The following PROKR2 variants were observed in gnomAD, a reference collection of about 807,000 sequenced individuals.
PROKR2 encodes G protein-coupled receptor 73-like 1.
A neutral mutation model predicts 23.4 loss-of-function variants in PROKR2; 26 were observed. The observed-to-expected ratio is 1.11, with a 90% CI of 0.81 to 1.54. The LOEUF (loss-of-function observed/expected upper bound fraction) is 1.54, where lower values mean the gene tolerates loss of function less well. PROKR2 is among the 40% of genes most tolerant of loss of function. The pLI is 0.00. For missense variants in PROKR2, 453 were observed against 511.5 expected (o/e 0.89, Z 1.10); for synonymous variants, 212 against 201.2 (o/e 1.05, Z -0.45).
At chr20:5,307,647 C>T (rs1969702) in intron 2 of PROKR2, among the ~76,000 whole-genome samples, 77,649 of 152,054 alleles carry the variant, frequency 0.51, 20,138 homozygotes, top group African/African-American at 0.61. Flanking sequence ...TCTCAGTCTG[C>T]GTGCCATGGC....
intron 2 of PROKR2, among the ~76,000 whole-genome samples, chr20:5,306,572 A>C (rs1408040604): frequency 6.6e-6 from 1 of 152,242 alleles, no homozygotes; most frequent in Non-Finnish European, 1.5e-5. Context: ...TTCTGGCTCG[A>C]AAAGTAAAGT....
rs1979698782 is a variant in PROKR2 at position 5,316,800 on chromosome 20, A to C, written c.-315T>G. 6.6e-6 allele frequency among the ~76,000 whole-genome samples: 1 copy of C among 152,048 alleles called. No homozygotes were observed. Among genetic ancestry groups the C allele is most frequent in the Non-Finnish European group, 1.5e-5 (1 of 67,994 alleles). ...GGGGTCCCCGCCTGCCTCCTAGTCC[A>C]GGCCAAGGGTGGATGCCCAGCTCCC... On this transcript the variant is annotated 5_prime_UTR_variant, in exon 1 of 3. Transcript: ENST00000678254. The surrounding 1 kb of genome is among the most constrained non-coding windows in gnomAD (Gnocchi z 5.0).
Position 5,301,940 on chromosome 20 carries a change from G to T in PROKR2, c.*100C>A. ...CTTCTTGAGGGCACGGGGGAGGCAT[G>T]AACACAGATGTCATTTCCCATGCAG... On this transcript the variant is annotated 3_prime_UTR_variant, in exon 3 of 3. Transcript: ENST00000678254. 9.0e-7 allele frequency: 1 copy of T among 1,113,112 alleles called. No homozygotes were observed. The highest frequency in any genetic ancestry group is 1.3e-6 in the Non-Finnish European group (1 of 766,264). The allele number at this position is 1,113,112 out of a possible 1,614,324, so 69.0% of individuals were successfully genotyped here.
At chr20:5,314,608 C>T (rs1979586681) in intron 1 of PROKR2, among the ~76,000 whole-genome samples, 1 of 152,192 alleles carries the variant, frequency 6.6e-6, no homozygotes, top group Non-Finnish European at 1.5e-5. Context: ...CCAGATGGAA[C>T]TACCCGGGAT....
chr20:5,300,188 A>G lies in PROKR2; in HGVS notation c.*1852T>C, dbSNP rs1978933289. Among the ~76,000 whole-genome samples the G allele has an allele frequency of 1.4e-5, 1 of 69,822 alleles. No individual in the cohort carries two copies. The highest frequency in any genetic ancestry group is 4.7e-5 in the African/African-American group (1 of 21,400). 45.8% of individuals were successfully genotyped at this position (69,822 alleles called of 152,430 possible). Reference sequence around the variant, plus strand: ...GAAGACGTGTACCTACAGTTACCACAAATGTATAATACAAACAGATTCAGA... The same window carrying G: ...GAAGACGTGTACCTACAGTTACCACGAATGTATAATACAAACAGATTCAGA... On this transcript the variant is annotated 3_prime_UTR_variant, in exon 3 of 3. Transcript: ENST00000678254.
At chr20:5,312,000 C>T (rs992323554) in intron 2 of PROKR2, among the ~76,000 whole-genome samples, 3 of 152,186 alleles carry the variant, frequency 2.0e-5, no homozygotes, top group Admixed American at 6.5e-5. Context: ...AATATACTCT[C>T]ACTTTAGTGA....
At chr20:5,305,690 A>AG (rs1979193309) in intron 2 of PROKR2, among the ~76,000 whole-genome samples, 2 of 151,900 alleles carry the variant, frequency 1.3e-5, no homozygotes, top group South Asian at 4.2e-4. Flanking sequence ...TCAGGAAAAA[A>AG]AAATTTAAAG....
rs1397088415 is a variant in PROKR2 at position 5,314,319 on chromosome 20, G to A, written c.51C>T (p.Pro17=). 1.9e-6 allele frequency: 3 copies of A among 1,614,172 alleles called. No individual in the cohort carries two copies. In the Admixed American group the frequency reaches 5.0e-5, roughly 27 times the overall value. The change falls in exon 2 of 3, where the codon CCC becomes CCT. Residue 17 remains proline, a synonymous_variant. Transcript: ENST00000678254. ...AGGAGAGGGAGGAGGCATGGTCTTG[G>A]GGTGGATTAAAGTTGGGTGTGAAAC... The part of the protein sequence containing the change: ...NTSFTPNFNP[P]QDHASSLSFN...
At chr20:5,314,892 G>C (rs1407003617) in intron 1 of PROKR2, among the ~76,000 whole-genome samples, 1 of 152,196 alleles carries the variant, frequency 6.6e-6, no homozygotes, top group Non-Finnish European at 1.5e-5. Flanking sequence ...TGTGGCACCT[G>C]TTGGCCAGGG....
At position 5,316,845 on chromosome 20, in the gene PROKR2, C is replaced by T. The variant is rs921817335; in HGVS notation, c.-360G>A. On this transcript the variant is annotated 5_prime_UTR_variant, in exon 1 of 3. Coordinates refer to ENST00000678254, the MANE Select transcript of PROKR2 (RefSeq NM_144773.4). This position sits in a 1 kb window ranked among gnomAD's most constrained non-coding sequence, Gnocchi z 5.0. The stretch of plus-strand genomic sequence containing the variant: ...GCTCCCCCACCCCACCGCGTGCTCT[C>T]GGGCTGGTGCGTCCAGGGCGCGGGC... Among the ~76,000 whole-genome samples the T allele has an allele frequency of 5.3e-5, 8 of 152,270 alleles. No homozygotes were observed. Among genetic ancestry groups the T allele is most frequent in the African/African-American group, 1.9e-4 (8 of 41,470 alleles).
At chr20:5,302,930 T>G (rs1252459957) in intron 2 of PROKR2, among the ~76,000 whole-genome samples, 194 bp from the exon 3 acceptor site, 1 of 152,212 alleles carries the variant, frequency 6.6e-6, no homozygotes, top group Non-Finnish European at 1.5e-5. Flanking sequence ...CAGCACAGGC[T>G]TTGGGTCAAA....
At chr20:5,308,449 C>A (rs1038620464) in intron 2 of PROKR2, among the ~76,000 whole-genome samples, 45 of 148,976 alleles carry the variant, frequency 3.0e-4, no homozygotes, top group African/African-American at 1.0e-3. Context: ...CCCAACCCAT[C>A]CCTTTATTTC....
At chr20:5,303,046 G>C (rs1236285264) in intron 2 of PROKR2, among the ~76,000 whole-genome samples, 1 of 152,176 alleles carries the variant, frequency 6.6e-6, no homozygotes, top group Non-Finnish European at 1.5e-5. Flanking sequence ...GGAATAAGAT[G>C]ATACTTACTT....
Position 5,313,826 on chromosome 20 carries a change from T to G in PROKR2, c.458+86A>C, listed in dbSNP as rs530086769. Reference sequence around the variant, plus strand: ...CCAAAGATTGGTGAGCATTCCTATCTGGAGCAATGTCAGCCTGTCAGAGCC... The same window carrying G: ...CCAAAGATTGGTGAGCATTCCTATCGGGAGCAATGTCAGCCTGTCAGAGCC... On this transcript the variant is annotated intron_variant, in intron 2 of 2. Transcript: ENST00000678254. 23 of 1,144,662 alleles carry G rather than the reference T, an allele frequency of 2.0e-5. No homozygotes were observed. The African/African-American group carries it at 2.3e-4, about 11-fold the overall frequency. 70.9% of individuals were successfully genotyped at this position (1,144,662 alleles called of 1,614,324 possible).
Position 5,316,768 on chromosome 20 carries a change from C to A in PROKR2, c.-283G>T, listed in dbSNP as rs1056199705. ...TGTGCGCCCCGCCCCGCGCTGGACT[C>A]CGCCCCGGGGTCCCCGCCTGCCTCC... On this transcript the variant is annotated 5_prime_UTR_variant, in exon 1 of 3. Coordinates refer to ENST00000678254, the MANE Select transcript of PROKR2 (RefSeq NM_144773.4). This position sits in a 1 kb window ranked among gnomAD's most constrained non-coding sequence, Gnocchi z 5.0. Among the ~76,000 whole-genome samples, 2 of 152,220 alleles carry A rather than the reference C, an allele frequency of 1.3e-5. No individual in the cohort carries two copies. Among genetic ancestry groups the A allele is most frequent in the East Asian group, 3.9e-4 (2 of 5,182 alleles).
At chr20:5,311,618 G>A (rs759603498) in intron 2 of PROKR2, among the ~76,000 whole-genome samples, 3 of 152,258 alleles carry the variant, frequency 2.0e-5, no homozygotes, top group Admixed American at 6.5e-5. Flanking sequence ...TCCTGGGTGT[G>A]TCTGTGAGGG....
intron 2 of PROKR2, among the ~76,000 whole-genome samples, chr20:5,303,220 G>A (rs2180573): frequency 0.52 from 79,496 of 151,924 alleles, 20,835 homozygotes; most frequent in African/African-American, 0.57. Context: ...AATACTCTCA[G>A]AGCTCTTCAT....
At chr20:5,302,798 T>A in intron 2 of PROKR2, 62 bp from the exon 3 acceptor site, 1 of 1,292,260 alleles carries the variant, frequency 7.7e-7, no homozygotes, top group Non-Finnish European at 1.1e-6. Context: ...AGTTTGTAAC[T>A]AACCCCAAAC....
At chr20:5,311,483 A>G (rs1346658028) in intron 2 of PROKR2, among the ~76,000 whole-genome samples, 2 of 152,218 alleles carry the variant, frequency 1.3e-5, no homozygotes, top group Non-Finnish European at 2.9e-5. Context: ...AAATGAAACC[A>G]AACCAAACCA....
Sources: gnomAD v4.1 joint callset for allele counts (sites outside exome capture counted in the v4.1 genomes callset) on GRCh38, gnomAD v4.1.1 for gene constraint, Gnocchi (gnomAD v3.1) non-coding constraint, MANE v1.5 for transcripts, NCBI Gene and HGNC (gene_info 2026-07-23, HGNC 2026-07-21) for gene names.